HS3ST5: variants seen among roughly 807,000 people sequenced by gnomAD.
HS3ST5 encodes heparan sulfate-glucosamine 3-sulfotransferase 5, also known as heparan sulfate glucosamine 3-O-sulfotransferase 5.
Under a neutral mutation model 25.4 loss-of-function variants are expected in HS3ST5, and 10 were observed. That is an observed-to-expected ratio of 0.39 (90% CI 0.24 to 0.67). The LOEUF (loss-of-function observed/expected upper bound fraction) is 0.67, where lower values mean the gene tolerates loss of function less well. HS3ST5 is among the 30% of genes least tolerant of loss of function. The pLI is 0.44. For missense variants in HS3ST5, 324 were observed against 420.7 expected (o/e 0.77, Z 2.01); for synonymous variants, 170 against 162.4 (o/e 1.05, Z -0.36).
chr6:114,276,278 G>A (rs1773850514), intron 1 of HS3ST5, among the ~76,000 whole-genome samples: 1 of 151,880 alleles, frequency 6.6e-6, no homozygotes, highest in African/African-American at 2.4e-5. Flanking sequence ...CAGTTCATTG[G>A]ACATCCTAGA....
At chr6:114,111,652 A>T (rs528461504) in intron 3 of HS3ST5, among the ~76,000 whole-genome samples, 1 of 152,278 alleles carries the variant, frequency 6.6e-6, no homozygotes, top group Admixed American at 6.5e-5. Context: ...AGCTGGGTTT[A>T]CTTTTCAGGA....
chr6:114,173,415 G>A (rs1241841005), intron 2 of HS3ST5, among the ~76,000 whole-genome samples: 2 of 152,180 alleles, frequency 1.3e-5, no homozygotes, highest in African/African-American at 4.8e-5. Flanking sequence ...TCTGAAATTT[G>A]TTGAGAAAGG....
chr6:114,297,555 T>A (rs1204526124), intron 1 of HS3ST5, among the ~76,000 whole-genome samples: 1 of 152,208 alleles, frequency 6.6e-6, no homozygotes, highest in African/African-American at 2.4e-5. Context: ...ATTTTTTTCA[T>A]ACATTACACA....
At chr6:114,117,542 G>A (rs1328175651) in intron 3 of HS3ST5, among the ~76,000 whole-genome samples, 1 of 152,156 alleles carries the variant, frequency 6.6e-6, no homozygotes, top group East Asian at 1.9e-4. Context: ...CTTCAAAAGA[G>A]TTAAATGCTA....
chr6:114,078,237 T>C (rs1365681465), intron 3 of HS3ST5, among the ~76,000 whole-genome samples: 3 of 152,124 alleles, frequency 2.0e-5, no homozygotes, highest in Non-Finnish European at 2.9e-5. Context: ...GACGGGGTCT[T>C]GCTCTGTCAT....
chr6:114,264,426 A>G (rs977595086), intron 1 of HS3ST5, among the ~76,000 whole-genome samples: 9 of 152,232 alleles, frequency 5.9e-5, no homozygotes, highest in African/African-American at 2.2e-4. Flanking sequence ...CCAATATTGC[A>G]TAGAAGAGCA....
chr6:114,217,948 C>T (rs938652377), intron 2 of HS3ST5, among the ~76,000 whole-genome samples: 9 of 152,256 alleles, frequency 5.9e-5, no homozygotes, highest in African/African-American at 2.2e-4. Flanking sequence ...TTTAAGTTAC[C>T]ATCTTGTATG....
chr6:114,125,528 C>G (rs1031049742), intron 3 of HS3ST5, among the ~76,000 whole-genome samples: 2 of 152,154 alleles, frequency 1.3e-5, no homozygotes, highest in Admixed American at 1.3e-4. Flanking sequence ...TCAAAAGGCA[C>G]TCTATTTCCG....
intron 1 of HS3ST5, among the ~76,000 whole-genome samples, chr6:114,306,446 T>C (rs956647792): frequency 6.6e-6 from 1 of 151,376 alleles, no homozygotes; most frequent in African/African-American, 2.4e-5. Flanking sequence ...TAGTATATAA[T>C]TTTGACCTAG....
At chr6:114,093,908 A>G (rs949411040) in intron 3 of HS3ST5, among the ~76,000 whole-genome samples, 1 of 152,226 alleles carries the variant, frequency 6.6e-6, no homozygotes, top group Non-Finnish European at 1.5e-5. Context: ...AGTATAGCAA[A>G]TAGAGCACCA....
chr6:114,214,958 G>C (rs1781682276), intron 2 of HS3ST5, among the ~76,000 whole-genome samples: 1 of 152,104 alleles, frequency 6.6e-6, no homozygotes, highest in African/African-American at 2.4e-5. Context: ...TGCTGAGATA[G>C]AGTAATTACT....
intron 3 of HS3ST5, among the ~76,000 whole-genome samples, chr6:114,068,378 CA>C (rs927484540): frequency 6.6e-6 from 1 of 152,194 alleles, no homozygotes; most frequent in African/African-American, 2.4e-5. Context: ...TGCTAAGATA[CA>C]ATATCATAGC....
intron 3 of HS3ST5, among the ~76,000 whole-genome samples, chr6:114,126,495 A>G (rs1294844571): frequency 1.3e-5 from 2 of 152,194 alleles, no homozygotes; most frequent in Non-Finnish European, 2.9e-5. Context: ...TGTGCAGTGT[A>G]ATTTTGAAGA....
At chr6:114,197,237 G>T (rs568322145) in intron 2 of HS3ST5, among the ~76,000 whole-genome samples, 2 of 151,156 alleles carry the variant, frequency 1.3e-5, no homozygotes, top group African/African-American at 4.9e-5. Flanking sequence ...ATTTGGTCCT[G>T]TTCAAGACTA....
intron 1 of HS3ST5, among the ~76,000 whole-genome samples, chr6:114,230,753 T>A (rs1018524809): frequency 6.9e-6 from 1 of 144,210 alleles, no homozygotes; most frequent in Admixed American, 6.8e-5. Flanking sequence ...CACCCTGCTA[T>A]TTTTTTTTGT....
At chr6:114,062,712 G>C (rs770056503) in intron 4 of HS3ST5, 27 bp downstream of exon 4, 3 of 1,404,684 alleles carry the variant, frequency 2.1e-6, no homozygotes, top group South Asian at 1.2e-5. Context: ...TGTCACAGGG[G>C]TATAAGCATG....
At chr6:114,338,205 T>C (rs1776683264) in intron 1 of HS3ST5, among the ~76,000 whole-genome samples, 1 of 151,936 alleles carries the variant, frequency 6.6e-6, no homozygotes, top group Non-Finnish European at 1.5e-5. Flanking sequence ...CACAAAGGGA[T>C]TCTATTCCTG....
intron 3 of HS3ST5, among the ~76,000 whole-genome samples, chr6:114,158,732 C>T (rs1778810905): frequency 6.6e-6 from 1 of 152,198 alleles, no homozygotes; most frequent in Admixed American, 6.6e-5. Context: ...AATTCCTGCT[C>T]TGCTCCAGTG....
intron 2 of HS3ST5, among the ~76,000 whole-genome samples, chr6:114,192,436 G>T (rs145528151): frequency 2.0e-5 from 3 of 152,230 alleles, no homozygotes; most frequent in Non-Finnish European, 4.4e-5. Context: ...AGAGTACAAG[G>T]CCAAACCTGT....
Sources: allele counts gnomAD v4.1 joint callset (sites outside exome capture counted in the v4.1 genomes callset), GRCh38; gene constraint gnomAD v4.1.1; transcripts MANE v1.5; gene names NCBI Gene and HGNC (gene_info 2026-07-23, HGNC 2026-07-21).